The following TRIM2 variants were observed in gnomAD, a reference collection of about 807,000 sequenced individuals.
TRIM2 encodes the protein tripartite motif containing 2, also known as tripartite motif-containing protein 2.
TRIM2 carries 20 observed loss-of-function variants against 75.2 expected under a neutral mutation model. The ratio of observed to expected loss-of-function variants is 0.27; its 90% CI spans 0.19 to 0.39. The LOEUF is 0.39. Among genes scored for constraint, TRIM2 ranks in the 10% least tolerant of loss-of-function variants. The pLI is 1.00. For missense variants in TRIM2, 660 were observed against 990.8 expected (o/e 0.67, Z 4.48); for synonymous variants, 373 against 388.3 (o/e 0.96, Z 0.46).
At chr4:153,281,346 G>C (rs1759295009) in intron 3 of TRIM2, among the ~76,000 whole-genome samples, 1 of 152,214 alleles carries the variant, frequency 6.6e-6, no homozygotes, top group African/African-American at 2.4e-5. Context: ...TAAGGAAATA[G>C]CTAGAGCGGA....
intron 1 of TRIM2, among the ~76,000 whole-genome samples, chr4:153,237,455 C>T (rs148187930): frequency 0.025 from 3,771 of 151,964 alleles, 93 homozygotes; most frequent in South Asian, 0.033. Flanking sequence ...CTGAGGTGGG[C>T]GGATCACGAG....
intron 11 of TRIM2, among the ~76,000 whole-genome samples, chr4:153,329,665 A>G (rs899482389): frequency 7.4e-4 from 113 of 151,886 alleles, no homozygotes; most frequent in African/African-American, 2.7e-3. Flanking sequence ...GTGTAACCCC[A>G]TCTCTACTAA....
chr4:153,172,826 G>T (rs1284523643), intron 1 of TRIM2, among the ~76,000 whole-genome samples: 3 of 152,190 alleles, frequency 2.0e-5, no homozygotes. Context: ...CTGGAGAGCA[G>T]TGTTCCAGGC....
chr4:153,257,737 G>A, intron 1 of TRIM2: 1 of 596,748 alleles, frequency 1.7e-6, no homozygotes, highest in Non-Finnish European at 2.8e-6. Flanking sequence ...TCTTTGCCTC[G>A]TTGGTTAGTC....
At chr4:153,215,793 AAAAT>A (rs1738324575) in intron 1 of TRIM2, among the ~76,000 whole-genome samples, 1 of 152,252 alleles carries the variant, frequency 6.6e-6, no homozygotes, top group South Asian at 2.1e-4. Flanking sequence ...AAAGAATAAG[AAAAT>A]AAATCAATTA....
chr4:153,299,518 T>C lies in TRIM2; in HGVS notation c.1510+3482T>C, dbSNP rs536248141. Among the ~76,000 whole-genome samples the C allele has an allele frequency of 6.6e-5, 10 of 152,344 alleles. No homozygotes were observed. The East Asian group carries it at 1.7e-3, about 26-fold the overall frequency. ...GCAGATATCTCTTTGACATCTTGAC[T>C]TCAGTTTCTTTAGATATGTTAGATA... On this transcript the variant is annotated intron_variant, in intron 6 of 11. Transcript: ENST00000338700.
intron 1 of TRIM2, among the ~76,000 whole-genome samples, chr4:153,156,484 C>T (rs2149586458): frequency 6.6e-6 from 1 of 152,272 alleles, no homozygotes; most frequent in Admixed American, 6.5e-5. Flanking sequence ...ACATCCGCCA[C>T]TCACAGCTCC....
At chr4:153,301,146 G>A (rs183886208) in intron 6 of TRIM2, among the ~76,000 whole-genome samples, 4 of 151,222 alleles carry the variant, frequency 2.6e-5, no homozygotes, top group Admixed American at 1.3e-4. Flanking sequence ...AGCCAAGATC[G>A]CGCCACTACA....
At chr4:153,199,731 G>A (rs1734130972), upstream of TRIM2, among the ~76,000 whole-genome samples, 1 of 152,032 alleles carries the variant, frequency 6.6e-6, no homozygotes, top group Admixed American at 6.6e-5. Flanking sequence ...TATAATGGAT[G>A]AATTCATTTA....
intron 1 of TRIM2, among the ~76,000 whole-genome samples, chr4:153,161,974 A>C (rs1287281628): frequency 6.6e-6 from 1 of 152,240 alleles, no homozygotes; most frequent in Non-Finnish European, 1.5e-5. Flanking sequence ...TAAACCTCCG[A>C]AATGAAATTC....
At chr4:153,160,447 C>T (rs898187796) in intron 1 of TRIM2, among the ~76,000 whole-genome samples, 1 of 152,144 alleles carries the variant, frequency 6.6e-6, no homozygotes. Context: ...TTTTCCAGGC[C>T]TCATTTTAAA....
chr4:153,335,278 C>A lies in TRIM2; in HGVS notation c.*312C>A, dbSNP rs956437481. 2.6e-5 allele frequency: 24 copies of A among 918,624 alleles called. No individual in the cohort carries two copies. The highest frequency in any genetic ancestry group is 3.2e-5 in the Non-Finnish European group (24 of 759,256). 56.9% of individuals were successfully genotyped at this position (918,624 alleles called of 1,614,324 possible). ...GCAAATCAAACAGACACTTAAAAAA[C>A]TAGCATATGTAAAGGTATTCGTTAA... On this transcript the variant is annotated 3_prime_UTR_variant, in exon 12 of 12. Coordinates refer to ENST00000338700, the MANE Select transcript of TRIM2 (RefSeq NM_015271.5).
In TRIM2 at chr4:153,294,439, G is replaced by A; in HGVS notation, c.740G>A (p.Ser247Asn). 6.2e-7 allele frequency: 1 copy of A among 1,614,124 alleles called. No homozygotes were observed. The highest frequency in any genetic ancestry group is 8.5e-7 in the Non-Finnish European group (1 of 1,180,006). The change falls in exon 5 of 12, where the codon AGT becomes AAT. Residue 247 changes from serine (S) to asparagine (N), a missense_variant. Physicochemically the swap from Ser to Asn is conservative, Grantham distance 46. Coordinates refer to ENST00000338700, the MANE Select transcript of TRIM2 (RefSeq NM_015271.5). ...CAGAAGACTTTAAATGTGCGCAAGA[G>A]TGTGCTGCTTATGGAATTGGAGGTC... The part of the protein sequence containing the change: ...ELQKTLNVRK[S>N]VLLMELEVNY...
rs376844784 is a variant in TRIM2 at position 153,322,820 on chromosome 4, C to G, written c.1951+4C>G. ...AATGGGGACAGGCAGTTTGCAGGTACACTCGATGGTAATATGTAAACCCCC... is the reference window on the plus strand; with the variant it reads ...AATGGGGACAGGCAGTTTGCAGGTAGACTCGATGGTAATATGTAAACCCCC... On this transcript the variant is annotated splice_donor_region_variant and intron_variant, in intron 9 of 11. Coordinates refer to ENST00000338700, the MANE Select transcript of TRIM2 (RefSeq NM_015271.5). 5.6e-6 allele frequency: 9 copies of G among 1,614,130 alleles called. No homozygotes were observed. The highest frequency in any genetic ancestry group is 7.6e-6 in the Non-Finnish European group (9 of 1,180,014).
intron 1 of TRIM2, among the ~76,000 whole-genome samples, chr4:153,235,207 A>G (rs1023255762): frequency 3.9e-5 from 6 of 152,184 alleles, no homozygotes; most frequent in Admixed American, 1.3e-4. Flanking sequence ...GACTCTGAGA[A>G]GCAAATTTCT....
intron 1 of TRIM2, chr4:153,222,589 CG>C (rs1235919814): frequency 6.6e-6 from 1 of 152,046 alleles, no homozygotes; most frequent in Non-Finnish European, 1.5e-5. Flanking sequence ...GAGCGCCGGG[CG>C]ACATCTAATC....
chr4:153,308,800 C>A (rs567379562), intron 6 of TRIM2: 1 of 471,488 alleles, frequency 2.1e-6, no homozygotes, highest in South Asian at 1.7e-5. Context: ...GACCTGAGAG[C>A]GTCCCCAGAT....
At chr4:153,225,078 T>A (rs1401387641) in intron 1 of TRIM2, among the ~76,000 whole-genome samples, 1 of 152,220 alleles carries the variant, frequency 6.6e-6, no homozygotes, top group South Asian at 2.1e-4. Flanking sequence ...TATTCAATGA[T>A]GATAACTCAA....
At chr4:153,251,825 C>CA (rs948627824) in intron 1 of TRIM2, among the ~76,000 whole-genome samples, 8 of 151,930 alleles carry the variant, frequency 5.3e-5, no homozygotes, top group Admixed American at 5.2e-4. Context: ...TAAAAAAATA[C>CA]AAAAAATTAA....
Sources: allele counts gnomAD v4.1 joint callset (sites outside exome capture counted in the v4.1 genomes callset), GRCh38; gene constraint gnomAD v4.1.1; transcripts MANE v1.5; gene names NCBI Gene and HGNC (gene_info 2026-07-23, HGNC 2026-07-21).